The following CHRM3 variants were observed in gnomAD, a reference collection of about 807,000 sequenced individuals.
CHRM3 encodes the protein cholinergic receptor muscarinic 3, also known as muscarinic acetylcholine receptor M3.
CHRM3 carries 11 observed loss-of-function variants against 41.8 expected under a neutral mutation model. That is an observed-to-expected ratio of 0.26 (90% CI 0.17 to 0.44). CHRM3 has a LOEUF of 0.44. Among genes scored for constraint, CHRM3 ranks in the 20% least tolerant of loss-of-function variants. The probability of loss-of-function intolerance (pLI) is 1.00; values close to 1 mark genes in which losing one functional copy is unlikely to be tolerated. For missense variants in CHRM3, 571 were observed against 745.4 expected (o/e 0.77, Z 2.72); for synonymous variants, 297 against 301.4 (o/e 0.99, Z 0.15).
intron 5 of CHRM3, among the ~76,000 whole-genome samples, chr1:239,817,952 C>G (rs896944727): frequency 1.3e-5 from 2 of 152,200 alleles, no homozygotes; most frequent in Non-Finnish European, 2.9e-5. Context: ...GCCTGCCTTA[C>G]CCACAGGCTT....
chr1:239,552,237 A>G (rs1659902517), intron 3 of CHRM3, among the ~76,000 whole-genome samples: 1 of 65,896 alleles, frequency 1.5e-5, no homozygotes, highest in South Asian at 5.4e-4. Context: ...GATGATATGT[A>G]TCATATATAT....
intron 5 of CHRM3, among the ~76,000 whole-genome samples, chr1:239,702,152 TGC>T (rs1261472944): frequency 2.6e-5 from 4 of 152,208 alleles, no homozygotes; most frequent in Admixed American, 6.5e-5. Flanking sequence ...TGGTGAATGT[TGC>T]TGCTCTTTGG....
chr1:239,798,301 T>G (rs1397095427), intron 5 of CHRM3, among the ~76,000 whole-genome samples: 3 of 152,196 alleles, frequency 2.0e-5, no homozygotes, highest in Non-Finnish European at 4.4e-5. Context: ...AGTTACGTTT[T>G]GGGGGAGTCA....
intron 5 of CHRM3, among the ~76,000 whole-genome samples, chr1:239,822,646 TA>T (rs1179485170): frequency 2.0e-5 from 3 of 152,306 alleles, no homozygotes; most frequent in East Asian, 3.9e-4. Flanking sequence ...TTAAATAAAT[TA>T]TCATAATCCC....
intron 5 of CHRM3, among the ~76,000 whole-genome samples, chr1:239,823,467 C>T (rs1326789022): frequency 1.3e-5 from 2 of 152,040 alleles, no homozygotes; most frequent in Admixed American, 6.6e-5. Context: ...GGACCCAGCC[C>T]GGCTTATGCT....
chr1:239,468,737 G>A (rs1008460065), intron 1 of CHRM3, among the ~76,000 whole-genome samples: 1 of 152,140 alleles, frequency 6.6e-6, no homozygotes, highest in African/African-American at 2.4e-5. Context: ...TGATTCATTT[G>A]TAATGACTTT....
intron 3 of CHRM3, among the ~76,000 whole-genome samples, chr1:239,559,539 A>G (rs924527319): frequency 6.6e-6 from 1 of 152,200 alleles, no homozygotes; most frequent in Admixed American, 6.6e-5. Context: ...GCTAATTTTT[A>G]AAATATCAAA....
chr1:239,619,631 C>A (rs1209243934), intron 3 of CHRM3, among the ~76,000 whole-genome samples: 1 of 152,002 alleles, frequency 6.6e-6, no homozygotes, highest in Non-Finnish European at 1.5e-5. Context: ...TGGTTTGTGG[C>A]GGAAGCACCC....
chr1:239,767,831 G>C (rs989930291), intron 5 of CHRM3, among the ~76,000 whole-genome samples: 1 of 152,082 alleles, frequency 6.6e-6, no homozygotes, highest in African/African-American at 2.4e-5. Context: ...CATTACACCT[G>C]AGTTTCCTCA....
chr1:239,529,426 AC>A (rs938194186), intron 2 of CHRM3, among the ~76,000 whole-genome samples: 41 of 152,242 alleles, frequency 2.7e-4, no homozygotes, highest in African/African-American at 9.4e-4. Context: ...AGCCTGACCA[AC>A]ATGGTGAATG....
At chr1:239,729,527 T>G (rs1663763785) in intron 5 of CHRM3, among the ~76,000 whole-genome samples, 5 of 151,970 alleles carry the variant, frequency 3.3e-5, no homozygotes, top group African/African-American at 1.2e-4. Flanking sequence ...CATTACTTGT[T>G]GTCAGTGATA....
intron 1 of CHRM3, among the ~76,000 whole-genome samples, chr1:239,476,805 A>G (rs1452654942): frequency 6.6e-6 from 1 of 152,198 alleles, no homozygotes; most frequent in East Asian, 1.9e-4. Context: ...TTCAACCTCC[A>G]CGTATATTTT....
At chr1:239,608,070 A>C (rs1666554954) in intron 3 of CHRM3, among the ~76,000 whole-genome samples, 1 of 152,208 alleles carries the variant, frequency 6.6e-6, no homozygotes, top group Admixed American at 6.5e-5. Flanking sequence ...TTCATACTTC[A>C]TGAGGTTCTA....
At chr1:239,496,752 G>C (rs1667914536) in intron 2 of CHRM3, among the ~76,000 whole-genome samples, 2 of 151,944 alleles carry the variant, frequency 1.3e-5, no homozygotes, top group South Asian at 4.2e-4. Context: ...AAAGAATTTT[G>C]TTGTTTTTAA....
At chr1:239,802,651 C>A (rs1419041154) in intron 5 of CHRM3, among the ~76,000 whole-genome samples, 1 of 152,148 alleles carries the variant, frequency 6.6e-6, no homozygotes, top group Non-Finnish European at 1.5e-5. Flanking sequence ...GGCTGGAGTG[C>A]AGTAGCATGA....
intron 3 of CHRM3, among the ~76,000 whole-genome samples, chr1:239,612,325 A>G (rs1667166198): frequency 6.6e-6 from 1 of 152,220 alleles, no homozygotes. Flanking sequence ...TATTTTTATT[A>G]ACTGCTATGT....
rs1213766559 is a variant in CHRM3 at position 239,800,654 on chromosome 1, CTT to C, written c.-146-26596_-146-26595del. On this transcript the variant is annotated intron_variant, in intron 5 of 6. Coordinates refer to ENST00000676153, the MANE Select transcript of CHRM3 (RefSeq NM_001375978.1). ...CCAGCATGCTGGCCCTCAGACCACA[CTT>C]TGTGTAACAGGGATCTGGTGGAGTG... Among the ~76,000 whole-genome samples, 4 of 152,172 alleles carry C rather than the reference CTT, an allele frequency of 2.6e-5. No individual in the cohort carries two copies. The East Asian group carries it at 7.7e-4, about 29-fold the overall frequency.
chr1:239,405,036 C>T (rs762507191), intron 1 of CHRM3, among the ~76,000 whole-genome samples: 32 of 151,888 alleles, frequency 2.1e-4, no homozygotes, highest in Non-Finnish European at 1.0e-4. Flanking sequence ...GTTTTATTTT[C>T]GTGAACAGTC....
chr1:239,866,295 T>C (rs745992229), intron 6 of CHRM3, among the ~76,000 whole-genome samples: 4 of 151,904 alleles, frequency 2.6e-5, no homozygotes, highest in South Asian at 2.1e-4. Flanking sequence ...GAGAATGGCG[T>C]GAACCCGGGA....
Sources: allele counts gnomAD v4.1 joint callset (sites outside exome capture counted in the v4.1 genomes callset), GRCh38; gene constraint gnomAD v4.1.1; transcripts MANE v1.5; gene names NCBI Gene and HGNC (gene_info 2026-07-23, HGNC 2026-07-21).